PPHLN1: variants seen among roughly 807,000 people sequenced by gnomAD.
The protein encoded by PPHLN1 is periphilin 1.
A neutral mutation model predicts 51.3 loss-of-function variants in PPHLN1; 29 were observed. That is an observed-to-expected ratio of 0.57 (90% CI 0.42 to 0.77). The LOEUF (loss-of-function observed/expected upper bound fraction) is 0.77, where lower values mean the gene tolerates loss of function less well. PPHLN1 is among the 30% of genes least tolerant of loss of function. The probability of loss-of-function intolerance (pLI) is 0.00; values close to 1 mark genes in which losing one functional copy is unlikely to be tolerated. For synonymous variants in PPHLN1, 147 were observed against 147.8 expected, an observed-to-expected ratio of 0.99 and a Z score of 0.04; for missense variants, 436 against 438.4, an observed-to-expected ratio of 0.99 and a Z score of 0.05.
intron 4 of PPHLN1, among the ~76,000 whole-genome samples, chr12:42,371,565 A>G (rs1199199529): frequency 6.6e-6 from 1 of 152,160 alleles, no homozygotes; most frequent in Non-Finnish European, 1.5e-5. Context: ...TTGTTCACAT[A>G]GTACTTTAAT....
Position 42,387,421 on chromosome 12 carries a change from A to G in PPHLN1, c.569-35A>G, listed in dbSNP as rs772377236. ...TTACTTTATCAAAAACAAATTAGCT[A>G]GAAAAAAAATTACATCTTATGTTTT... On this transcript the variant is annotated intron_variant, in intron 6 of 9. Coordinates refer to ENST00000358314, the MANE Select transcript of PPHLN1 (RefSeq NM_201439.2). 17 of 1,570,114 alleles carry G rather than the reference A, an allele frequency of 1.1e-5. No homozygotes were observed. The South Asian group carries it at 1.4e-4, about 13-fold the overall frequency.
chr12:42,370,087 T>C (rs1007052992), intron 4 of PPHLN1, among the ~76,000 whole-genome samples: 1 of 152,276 alleles, frequency 6.6e-6, no homozygotes, highest in Non-Finnish European at 1.5e-5. Context: ...TTCTGACTTC[T>C]GAACGGTTCA....
chr12:42,402,031 G>A (rs1286036132), intron 9 of PPHLN1, among the ~76,000 whole-genome samples: 1 of 151,520 alleles, frequency 6.6e-6, no homozygotes, highest in African/African-American at 2.4e-5. Flanking sequence ...ATTTTTTTTT[G>A]TATTTTTTGT....
At chr12:42,341,627 TA>T (rs1436442653) in intron 2 of PPHLN1, among the ~76,000 whole-genome samples, 5 of 152,084 alleles carry the variant, frequency 3.3e-5, no homozygotes, top group African/African-American at 1.2e-4. Flanking sequence ...TTATTATTAT[TA>T]TTATTATTTT....
In PPHLN1 at chr12:42,364,621, C is replaced by G. The variant is rs558357690; in HGVS notation, c.299+9399C>G. ...CCTGGGTGACAGAGTGAGACTCTGT[C>G]TCAAAAAATTTTTAAAAAGGCCAGG... On this transcript the variant is annotated intron_variant, in intron 4 of 9. Coordinates refer to ENST00000358314, the MANE Select transcript of PPHLN1 (RefSeq NM_201439.2). Among the ~76,000 whole-genome samples the G allele has an allele frequency of 6.6e-5, 10 of 152,098 alleles. No individual in the cohort carries two copies. The South Asian group carries it at 2.1e-3, about 32-fold the overall frequency.
At chr12:42,423,193 CTA>C (rs1236962436) in intron 9 of PPHLN1, among the ~76,000 whole-genome samples, 21 of 152,118 alleles carry the variant, frequency 1.4e-4, no homozygotes, top group African/African-American at 4.6e-4. Context: ...ACCAATTACT[CTA>C]TGAATTTTGC....
intron 9 of PPHLN1, chr12:42,431,532 CT>C: frequency 1.8e-6 from 1 of 562,968 alleles, no homozygotes; most frequent in Non-Finnish European, 3.2e-6. Context: ...GATCCCTCCC[CT>C]TTTTGAATTC....
At chr12:42,390,280 A>G (rs1490111698) in intron 7 of PPHLN1, among the ~76,000 whole-genome samples, 1 of 152,186 alleles carries the variant, frequency 6.6e-6, no homozygotes, top group African/African-American at 2.4e-5. Flanking sequence ...TGGATTTTGA[A>G]TAGCAAAGAC....
intron 7 of PPHLN1, among the ~76,000 whole-genome samples, chr12:42,391,225 A>G (rs1462523605): frequency 6.6e-6 from 1 of 152,080 alleles, no homozygotes; most frequent in Admixed American, 6.6e-5. Flanking sequence ...AATAAGTTAT[A>G]GTAGGCTTTT....
At chr12:42,329,476 A>G (rs2069363828) in intron 1 of PPHLN1, among the ~76,000 whole-genome samples, 1 of 152,188 alleles carries the variant, frequency 6.6e-6, no homozygotes, top group South Asian at 2.1e-4. Context: ...ACAGTGTGCA[A>G]ATTGTTCTAG....
intron 5 of PPHLN1, among the ~76,000 whole-genome samples, chr12:42,379,095 A>G (rs1383520693): frequency 1.3e-5 from 2 of 151,942 alleles, no homozygotes; most frequent in South Asian, 2.1e-4. Context: ...ACATTTGTCA[A>G]TTCTAATACT....
At chr12:42,393,445 G>A (rs973994210) in intron 7 of PPHLN1, 125 bp from the exon 8 acceptor site, 39 of 896,740 alleles carry the variant, frequency 4.3e-5, no homozygotes, top group African/African-American at 2.0e-4. Flanking sequence ...AATAAAGAAT[G>A]TACCTGTTCT....
At chr12:42,418,211 C>CTTTTTTTTTTTTTTTTTTTTTTTTTTTT (rs60029170) in intron 9 of PPHLN1, among the ~76,000 whole-genome samples, 1 of 98,378 alleles carries the variant, frequency 1.0e-5, no homozygotes, top group African/African-American at 4.2e-5. Flanking sequence ...TCCCGGCCCT[C>CTTTTTTTTTTTTTTTTTTTTTTTTTTTT]TTTTTTTTTT....
intron 9 of PPHLN1, among the ~76,000 whole-genome samples, chr12:42,401,193 T>G (rs1278679929): frequency 6.6e-6 from 1 of 152,168 alleles, no homozygotes; most frequent in Non-Finnish European, 1.5e-5. Flanking sequence ...ACCAAAACAA[T>G]TGCAGGGATG....
intron 4 of PPHLN1, among the ~76,000 whole-genome samples, chr12:42,371,128 T>G (rs1471478221): frequency 2.8e-5 from 4 of 141,934 alleles, no homozygotes; most frequent in Non-Finnish European, 6.1e-5. Flanking sequence ...TTTTTTTTTT[T>G]TTTTTTTTTT....
intron 1 of PPHLN1, among the ~76,000 whole-genome samples, chr12:42,334,096 T>C (rs2137752181): frequency 6.6e-6 from 1 of 152,308 alleles, no homozygotes; most frequent in Non-Finnish European, 1.5e-5. Flanking sequence ...TCTAACTCTT[T>C]AGACTGAAAC....
At chr12:42,383,176 A>G (rs2076902054) in intron 5 of PPHLN1, among the ~76,000 whole-genome samples, 1 of 152,212 alleles carries the variant, frequency 6.6e-6, no homozygotes, top group Admixed American at 6.5e-5. Flanking sequence ...ATCAAAATCA[A>G]ACACATCCAC....
chr12:42,436,407 T>A (rs1363419895), intron 9 of PPHLN1, among the ~76,000 whole-genome samples: 1 of 152,222 alleles, frequency 6.6e-6, no homozygotes, highest in South Asian at 2.1e-4. Flanking sequence ...AAAATCAATC[T>A]CTTCCTCACT....
chr12:42,355,993 G>T (rs941821136), intron 4 of PPHLN1, among the ~76,000 whole-genome samples: 2 of 106,808 alleles, frequency 1.9e-5, no homozygotes, highest in Admixed American at 2.1e-4. Flanking sequence ...GGCCTCAATC[G>T]TTGGCTTTGA....
Sources: gnomAD v4.1 joint callset for allele counts (sites outside exome capture counted in the v4.1 genomes callset) on GRCh38, gnomAD v4.1.1 for gene constraint, MANE v1.5 for transcripts, NCBI Gene and HGNC (gene_info 2026-07-23, HGNC 2026-07-21) for gene names.